Variants in ATP2B2 observed in about 807,000 individuals in gnomAD.
ATP2B2 encodes the protein ATPase plasma membrane Ca2+ transporting 2, also known as plasma membrane calcium-transporting ATPase 2.
In ATP2B2, 15 loss-of-function variants were observed where a neutral mutation model predicts 120.0. The observed-to-expected ratio is 0.12, with a 90% CI of 0.08 to 0.19. The LOEUF (loss-of-function observed/expected upper bound fraction) is 0.19. Among genes scored for constraint, ATP2B2 ranks in the 10% least tolerant of loss-of-function variants. The probability of loss-of-function intolerance (pLI) is 1.00; values close to 1 mark genes in which losing one functional copy is unlikely to be tolerated. For missense variants in ATP2B2, 1,045 were observed against 1,719.8 expected, an observed-to-expected ratio of 0.61 and a Z score of 6.94; for synonymous variants, 694 against 700.3, an observed-to-expected ratio of 0.99 and a Z score of 0.14.
intron 17 of ATP2B2, 119 bp downstream of exon 17, chr3:10,345,912 C>T (rs1409352808): frequency 1.9e-6 from 2 of 1,047,570 alleles, no homozygotes; most frequent in East Asian, 2.6e-5. Flanking sequence ...GGGTGGGCAC[C>T]CACGGCAGAT....
chr3:10,448,317 T>C (rs989310111), intron 2 of ATP2B2, among the ~76,000 whole-genome samples: 3 of 152,240 alleles, frequency 2.0e-5, no homozygotes, highest in Non-Finnish European at 2.9e-5. Context: ...ATTGGCCCAT[T>C]TTCCAGGAGA....
chr3:10,402,488 G>C lies in ATP2B2; in HGVS notation c.398-140C>G. 7.8e-7 allele frequency: 1 copy of C among 1,286,556 alleles called. No individual in the cohort carries two copies. 79.7% of individuals were successfully genotyped at this position (1,286,556 alleles called of 1,614,324 possible). ...ATTATCCACTTACTCAGTGTGTCTG[G>C]GTACCAAGCCCTGTGGAAAGTGCTT... On this transcript the variant is annotated intron_variant, in intron 3 of 22. Transcript: ENST00000360273. The surrounding 1 kb of genome is among the most constrained non-coding windows in gnomAD (Gnocchi z 4.9).
chr3:10,504,763 AGGCT>A (rs2066547436), intron 1 of ATP2B2, among the ~76,000 whole-genome samples: 1 of 152,106 alleles, frequency 6.6e-6, no homozygotes, highest in Non-Finnish European at 1.5e-5. Context: ...GAGACCACTG[AGGCT>A]GGCCTAGGAA....
At chr3:10,599,550 T>C (rs1369375891) in intron 2 of ATP2B2, among the ~76,000 whole-genome samples, 1 of 152,152 alleles carries the variant, frequency 6.6e-6, no homozygotes, top group Non-Finnish European at 1.5e-5. Flanking sequence ...CCCTCAGCAC[T>C]GTCCAGCATG....
intron 1 of ATP2B2, among the ~76,000 whole-genome samples, chr3:10,503,931 G>C (rs2066496186): frequency 6.6e-6 from 1 of 152,240 alleles, no homozygotes; most frequent in Non-Finnish European, 1.5e-5. Context: ...GCTGTGTTTT[G>C]CACGTGAGCA....
intron 3 of ATP2B2, among the ~76,000 whole-genome samples, chr3:10,406,617 A>AG (rs1396879152): frequency 6.6e-6 from 1 of 152,204 alleles, no homozygotes; most frequent in East Asian, 1.9e-4. Context: ...TGTGCCATCT[A>AG]GGTATGTGTA....
chr3:10,406,393 C>T (rs1395181244), intron 3 of ATP2B2, among the ~76,000 whole-genome samples: 5 of 152,196 alleles, frequency 3.3e-5, no homozygotes, highest in Admixed American at 6.5e-5. Flanking sequence ...TAGTCATGAG[C>T]CATGCAAGGC....
intron 11 of ATP2B2, among the ~76,000 whole-genome samples, chr3:10,374,517 G>A (rs1436170630): frequency 1.3e-5 from 2 of 152,228 alleles, no homozygotes; most frequent in Non-Finnish European, 2.9e-5. Context: ...TGAATGCCTC[G>A]TTTATAAACA....
At chr3:10,334,132 G>A (rs1490298470) in intron 22 of ATP2B2, among the ~76,000 whole-genome samples, 4 of 152,212 alleles carry the variant, frequency 2.6e-5, no homozygotes, top group African/African-American at 7.2e-5. Context: ...GGGCTGACTC[G>A]GGGACGACTT....
intron 2 of ATP2B2, among the ~76,000 whole-genome samples, chr3:10,444,089 A>G (rs2063756110): frequency 6.6e-6 from 1 of 151,902 alleles, no homozygotes; most frequent in Admixed American, 6.6e-5. Flanking sequence ...CATACCTGAC[A>G]GAGTCCTGGG....
At chr3:10,423,040 T>C (rs1216262541) in intron 2 of ATP2B2, among the ~76,000 whole-genome samples, 2 of 152,136 alleles carry the variant, frequency 1.3e-5, no homozygotes, top group African/African-American at 2.4e-5. Context: ...AAAACATCAA[T>C]GATCTGTACC....
intron 2 of ATP2B2, among the ~76,000 whole-genome samples, chr3:10,588,145 T>G (rs1042310512): frequency 2.0e-5 from 3 of 152,242 alleles, no homozygotes; most frequent in Non-Finnish European, 4.4e-5. Flanking sequence ...TGCTCAGCAC[T>G]GGGATCTTAC....
At position 10,375,324 on chromosome 3, in the gene ATP2B2, G is replaced by A. The variant is rs2061351432; in HGVS notation, c.1416+106C>T. On this transcript the variant is annotated intron_variant, in intron 11 of 22. Coordinates refer to ENST00000360273, the MANE Select transcript of ATP2B2 (RefSeq NM_001001331.4). The surrounding 1 kb of genome is among the most constrained non-coding windows in gnomAD (Gnocchi z 4.2). ...CTTCCAAGCTCCTAGGGGGTCTATG[G>A]GGCTTCTTCGTTCATCTCCCAACCC... 6 of 967,028 alleles carry A rather than the reference G, an allele frequency of 6.2e-6. No individual in the cohort carries two copies. The highest frequency in any genetic ancestry group is 9.7e-6 in the Non-Finnish European group (6 of 618,368). The allele number at this position is 967,028 out of a possible 1,614,324, so 59.9% of individuals were successfully genotyped here. A position where few individuals can be genotyped will look rare whatever the true frequency, so the allele number is the denominator to read the frequency against.
At chr3:10,573,395 G>A (rs1380776476) in intron 2 of ATP2B2, among the ~76,000 whole-genome samples, 5 of 152,156 alleles carry the variant, frequency 3.3e-5, no homozygotes, top group African/African-American at 1.2e-4. Flanking sequence ...GGCACAGAGA[G>A]TAAGCTCCTG....
intron 1 of ATP2B2, among the ~76,000 whole-genome samples, chr3:10,672,350 T>C (rs1559514441): frequency 6.6e-6 from 1 of 152,202 alleles, no homozygotes; most frequent in African/African-American, 2.4e-5. Flanking sequence ...TTTATTTCTG[T>C]CATCCTGTTC....
intron 1 of ATP2B2, among the ~76,000 whole-genome samples, chr3:10,473,234 T>C (rs1186375934): frequency 6.6e-6 from 1 of 152,264 alleles, no homozygotes; most frequent in African/African-American, 2.4e-5. Context: ...TCTTATTCTC[T>C]GATTTGTTCA....
chr3:10,385,011 G>A (rs2061632835), intron 8 of ATP2B2, among the ~76,000 whole-genome samples: 1 of 152,238 alleles, frequency 6.6e-6, no homozygotes, highest in African/African-American at 2.4e-5. Flanking sequence ...CTCTTATCTG[G>A]GCTCCATGGG....
rs2066244492 is a variant in ATP2B2 at position 10,498,445 on chromosome 3, AGCGTGGATGCCTCAGGCAT to A, written c.-320+7001_-320+7019del. ...CCGGATGAGCCTGGGGGCCTCACTC[AGCGTGGATGCCTCAGGCAT>A]GCAGGAGGCACCCCAAATGGCTGCC... On this transcript the variant is annotated intron_variant, in intron 1 of 22. Coordinates refer to ENST00000360273, the MANE Select transcript of ATP2B2 (RefSeq NM_001001331.4). Among the ~76,000 whole-genome samples, 3 of 152,366 alleles carry A rather than the reference AGCGTGGATGCCTCAGGCAT, an allele frequency of 2.0e-5. No individual in the cohort carries two copies. The South Asian group carries it at 6.2e-4, about 32-fold the overall frequency.
chr3:10,388,365 C>A lies in ATP2B2; in HGVS notation c.819G>T (p.Val273=). The A allele has an allele frequency of 6.2e-7, 1 of 1,614,180 alleles. No individual in the cohort carries two copies. The highest frequency in any genetic ancestry group is 8.5e-7 in the Non-Finnish European group (1 of 1,180,034). ...TCTGAGAGTTCACACCCACAGCAGT[C>A]ACCAACATCCGTCCTGAGCCCTCCA... The part of the protein sequence containing the change: ...HVMEGSGRML[V]TAVGVNSQTG... The change falls in exon 6 of 23, where the codon GTG becomes GTT. Residue 273 remains valine (V), a synonymous_variant. Coordinates refer to ENST00000360273, the MANE Select transcript of ATP2B2 (RefSeq NM_001001331.4).
Sources: allele counts gnomAD v4.1 joint callset (sites outside exome capture counted in the v4.1 genomes callset), GRCh38; gene constraint gnomAD v4.1.1; non-coding constraint Gnocchi (gnomAD v3.1); transcripts MANE v1.5; gene names NCBI Gene and HGNC (gene_info 2026-07-23, HGNC 2026-07-21).